Variants in FNDC1 observed in about 807,000 individuals in gnomAD.
The protein encoded by FNDC1 is fibronectin type III domain-containing protein 1.
Under a neutral mutation model 168.0 loss-of-function variants are expected in FNDC1, and 96 were observed. The ratio of observed to expected loss-of-function variants is 0.57; its 90% CI spans 0.48 to 0.68. FNDC1 has a LOEUF of 0.68. Among genes scored for constraint, FNDC1 ranks in the 30% least tolerant of loss-of-function variants. The probability of loss-of-function intolerance (pLI) is 0.00; values close to 1 mark genes in which losing one functional copy is unlikely to be tolerated. For missense variants in FNDC1, 2,587 were observed against 2,482.1 expected (o/e 1.04, Z -0.90); for synonymous variants, 1,099 against 1,025.9 (o/e 1.07, Z -1.36).
At chr6:159,174,527 G>C (rs11968175) in intron 1 of FNDC1, among the ~76,000 whole-genome samples, 11,261 of 152,354 alleles carry the variant, frequency 0.074, 538 homozygotes, top group African/African-American at 0.13. Context: ...AGCTGTCGCT[G>C]CGGCTTTATA....
At chr6:159,270,942 T>C (rs1175202656) in intron 22 of FNDC1, among the ~76,000 whole-genome samples, 1 of 152,210 alleles carries the variant, frequency 6.6e-6, no homozygotes, top group East Asian at 1.9e-4. Context: ...GTGTCACACA[T>C]GTGTGGGGAC....
chr6:159,251,233 C>G lies in FNDC1; in HGVS notation c.4835-69C>G, dbSNP rs1777252670. 5.1e-6 allele frequency: 6 copies of G among 1,181,490 alleles called. No homozygotes were observed. The East Asian group carries it at 9.9e-5, about 19-fold the overall frequency. 73.2% of individuals were successfully genotyped at this position (1,181,490 alleles called of 1,614,324 possible). ...GAATGGTGGGTCTGACTCTGTGGAA[C>G]AGATGCTATGTTTCTGCCTCCAGAA... On this transcript the variant is annotated intron_variant, in intron 16 of 22. Transcript: ENST00000297267.
At chr6:159,225,441 A>G in intron 7 of FNDC1, 94 bp from the exon 8 acceptor site, 1 of 1,004,522 alleles carries the variant, frequency 1.0e-6, no homozygotes, top group Non-Finnish European at 1.4e-6. Flanking sequence ...CTTACCTCCC[A>G]AAGTCATCAC....
intron 1 of FNDC1, among the ~76,000 whole-genome samples, chr6:159,192,275 T>C (rs954718591): frequency 6.6e-6 from 1 of 152,194 alleles, no homozygotes; most frequent in African/African-American, 2.4e-5. Context: ...ATGAAGTAAC[T>C]ATATGTCATT....
At chr6:159,270,062 T>C (rs1413024703) in intron 22 of FNDC1, among the ~76,000 whole-genome samples, 1 of 152,102 alleles carries the variant, frequency 6.6e-6, no homozygotes, top group South Asian at 2.1e-4. Flanking sequence ...TGGTGGTGCA[T>C]GCCTGTAGTC....
intron 16 of FNDC1, 69 bp downstream of exon 16, chr6:159,249,251 T>C: frequency 4.8e-6 from 7 of 1,454,460 alleles, no homozygotes; most frequent in Admixed American, 2.3e-5. Context: ...AAAACATTAC[T>C]AATCTTTTGG....
chr6:159,266,017 G>T (rs751574467), intron 20 of FNDC1, 67 bp from the exon 21 acceptor site: 30 of 1,551,536 alleles, frequency 1.9e-5, no homozygotes, highest in Non-Finnish European at 2.6e-5. Flanking sequence ...GCAATTTCCT[G>T]GCACTTTGTG....
intron 1 of FNDC1, among the ~76,000 whole-genome samples, chr6:159,194,292 TC>T (rs556101490): frequency 6.6e-6 from 1 of 152,224 alleles, no homozygotes; most frequent in Non-Finnish European, 1.5e-5. Flanking sequence ...CAATGTTCCT[TC>T]TATTGGACTC....
At chr6:159,249,952 G>A (rs1777222505) in intron 16 of FNDC1, among the ~76,000 whole-genome samples, 1 of 152,202 alleles carries the variant, frequency 6.6e-6, no homozygotes, top group Non-Finnish European at 1.5e-5. Context: ...ACACGTACTT[G>A]AAGAACAAGA....
intron 1 of FNDC1, among the ~76,000 whole-genome samples, chr6:159,193,632 G>A (rs186939822): frequency 3.2e-4 from 49 of 152,240 alleles, no homozygotes; most frequent in East Asian, 1.7e-3. Context: ...CAGCAACCCC[G>A]GGGAATCTCT....
intron 1 of FNDC1, among the ~76,000 whole-genome samples, chr6:159,176,742 G>A (rs934923837): frequency 1.3e-5 from 2 of 152,186 alleles, no homozygotes; most frequent in African/African-American, 4.8e-5. Flanking sequence ...AAGGTGGCAT[G>A]TCGCTGGGTC....
At position 159,238,608 on chromosome 6, in the gene FNDC1, G is replaced by A; in HGVS notation, c.4123G>A (p.Asp1375Asn). The A allele has an allele frequency of 1.2e-6, 2 of 1,611,748 alleles. No individual in the cohort carries two copies. Among genetic ancestry groups the A allele is most frequent in the Non-Finnish European group, 1.7e-6 (2 of 1,179,118 alleles). Reference protein sequence around the residue: ...VLNAEGRYLQDSHGNPLRIKL... With the variant: ...VLNAEGRYLQNSHGNPLRIKL... ...GAATGCAGAAGGAAGGTACCTCCAA[G>A]ATTCACATGGAAATCCTCTTCGGAT... The change falls in exon 13 of 23, where the codon GAT becomes AAT. Residue 1375 changes from aspartate to asparagine, a missense_variant. Transcript: ENST00000297267.
At chr6:159,188,861 C>T in intron 1 of FNDC1, among the ~76,000 whole-genome samples, 1 of 151,864 alleles carries the variant, frequency 6.6e-6, no homozygotes, top group East Asian at 1.9e-4. Context: ...GATTATCCTG[C>T]CTCAGCCTCC....
At chr6:159,261,120 T>G in intron 18 of FNDC1, 70 bp from the exon 19 acceptor site, 1 of 1,195,958 alleles carries the variant, frequency 8.4e-7, no homozygotes, top group East Asian at 2.3e-5. Context: ...TTCAGTAGTT[T>G]GGGAGTCTGT....
chr6:159,256,666 C>A (rs776487576), intron 18 of FNDC1, 35 bp downstream of exon 18: 2 of 1,466,358 alleles, frequency 1.4e-6, no homozygotes, highest in Non-Finnish European at 1.9e-6. Flanking sequence ...AAGATGAGAT[C>A]CATGTGCATG....
At chr6:159,226,643 C>T (rs754328687) in intron 9 of FNDC1, 63 bp downstream of exon 9, 26 of 1,293,896 alleles carry the variant, frequency 2.0e-5, no homozygotes, top group Admixed American at 4.5e-5. Flanking sequence ...CCTCTGCTTA[C>T]GGCTTTGTTG....
intron 1 of FNDC1, among the ~76,000 whole-genome samples, 160 bp from the exon 2 acceptor site, chr6:159,197,271 C>T (rs371373): frequency 0.47 from 72,098 of 152,158 alleles, 19,233 homozygotes; most frequent in African/African-American, 0.72. Flanking sequence ...TTTGTTGTCA[C>T]ACTGTAATGC....
In FNDC1 at chr6:159,233,685, C is replaced by A. The variant is rs758414593; in HGVS notation, c.3173C>A (p.Ala1058Glu). ...RSHSSSDPYT[A>E]SSRGMLPTAL... ...CACTCCTCCTCGGACCCTTACACGGCGAGCTCCAGAGGGATGCTCCCCACG... is the reference window on the plus strand; with the variant it reads ...CACTCCTCCTCGGACCCTTACACGGAGAGCTCCAGAGGGATGCTCCCCACG... Residue 1058 changes from alanine (A) to glutamate (E), a missense_variant, in exon 11 of 23, where the codon GCG (alanine) becomes GAG (glutamate). Physicochemically the swap from Ala to Glu is moderately radical, Grantham distance 107 (BLOSUM62 -1). Transcript: ENST00000297267. The surrounding 1 kb of genome is among the most constrained non-coding windows in gnomAD (Gnocchi z 4.6). The A allele has an allele frequency of 7.1e-6, 11 of 1,549,418 alleles. No homozygotes were observed. In the Admixed American group the frequency reaches 2.2e-4, roughly 30 times the overall value.
chr6:159,233,366 GTT>G lies in FNDC1; in HGVS notation c.2855_2856del (p.Val952AlafsTer237). The G allele has an allele frequency of 6.2e-7, 1 of 1,613,868 alleles. No individual in the cohort carries two copies. The highest frequency in any genetic ancestry group is 8.5e-7 in the Non-Finnish European group (1 of 1,179,840). On this transcript the variant is annotated frameshift_variant, in exon 11 of 23. Coordinates refer to ENST00000297267, the MANE Select transcript of FNDC1 (RefSeq NM_032532.3). LOFTEE classifies it high-confidence loss of function. This position sits in a 1 kb window ranked among gnomAD's most constrained non-coding sequence, Gnocchi z 4.6. ...YSSLASKAQD[V>X]QQSTDADTEG... ...CTCCCTGGCCTCCAAGGCTCAGGAT[GTT>G]CAACAGAGCACAGACGCGGACACGG...
Sources: allele counts gnomAD v4.1 joint callset (sites outside exome capture counted in the v4.1 genomes callset), GRCh38; gene constraint gnomAD v4.1.1; non-coding constraint Gnocchi (gnomAD v3.1); transcripts MANE v1.5; gene names NCBI Gene and HGNC (gene_info 2026-07-23, HGNC 2026-07-21).